ZBTB20: variants seen among roughly 807,000 people sequenced by gnomAD.
ZBTB20 encodes the protein zinc finger and BTB domain containing 20, also known as zinc finger and BTB domain-containing protein 20.
Under a neutral mutation model 56.9 loss-of-function variants are expected in ZBTB20, and 9 were observed. The ratio of observed to expected loss-of-function variants is 0.16; its 90% CI spans 0.10 to 0.28. The LOEUF is 0.28. Among genes scored for constraint, ZBTB20 ranks in the 10% least tolerant of loss-of-function variants. ZBTB20 has a pLI of 1.00. For synonymous variants in ZBTB20, 417 were observed against 420.7 expected, an observed-to-expected ratio of 0.99 and a Z score of 0.11; for missense variants, 655 against 1,003.0, an observed-to-expected ratio of 0.65 and a Z score of 4.69.
chr3:114,885,018 G>C (rs2107604609), intron 4 of ZBTB20, among the ~76,000 whole-genome samples: 1 of 152,330 alleles, frequency 6.6e-6, no homozygotes, highest in Admixed American at 6.5e-5. Flanking sequence ...AATTTCAGGA[G>C]ATATGGTTAA....
At chr3:114,828,980 C>T (rs1387411887) in intron 4 of ZBTB20, among the ~76,000 whole-genome samples, 1 of 151,754 alleles carries the variant, frequency 6.6e-6, no homozygotes, top group Non-Finnish European at 1.5e-5. Flanking sequence ...TAAGCCTGGT[C>T]ACTTATGGAT....
intron 4 of ZBTB20, among the ~76,000 whole-genome samples, chr3:114,801,628 G>C (rs974801489): frequency 6.6e-5 from 10 of 151,850 alleles, no homozygotes; most frequent in Non-Finnish European, 1.5e-4. Context: ...ACTTCAAATG[G>C]AATTGTAAGA....
chr3:114,728,824 C>T (rs1359838733), intron 5 of ZBTB20, among the ~76,000 whole-genome samples: 1 of 152,158 alleles, frequency 6.6e-6, no homozygotes, highest in Non-Finnish European at 1.5e-5. Flanking sequence ...CACTCAATTT[C>T]TCTAATGATC....
At chr3:114,542,932 C>T (rs1294239888) in intron 6 of ZBTB20, among the ~76,000 whole-genome samples, 2 of 152,054 alleles carry the variant, frequency 1.3e-5, no homozygotes, top group East Asian at 1.9e-4. Flanking sequence ...TGGGTTTAAA[C>T]GAAAGCTGGA....
At chr3:114,831,114 T>A (rs1270011442) in intron 4 of ZBTB20, among the ~76,000 whole-genome samples, 1 of 105,362 alleles carries the variant, frequency 9.5e-6, no homozygotes, top group Non-Finnish European at 2.1e-5. Flanking sequence ...TTTTTTTTTT[T>A]AGTATCCAGT....
chr3:114,362,470 T>C (rs996500387), intron 10 of ZBTB20, among the ~76,000 whole-genome samples: 2 of 152,132 alleles, frequency 1.3e-5, no homozygotes, highest in African/African-American at 2.4e-5. Flanking sequence ...ACATTTACTC[T>C]GAGATATGTC....
intron 6 of ZBTB20, among the ~76,000 whole-genome samples, chr3:114,533,129 T>C (rs1302901471): frequency 6.6e-6 from 1 of 151,814 alleles, no homozygotes; most frequent in Non-Finnish European, 1.5e-5. Context: ...CAAAACTGGA[T>C]GGAGAATGAG....
intron 5 of ZBTB20, among the ~76,000 whole-genome samples, chr3:114,702,674 T>C (rs1279151767): frequency 6.6e-6 from 1 of 152,100 alleles, no homozygotes; most frequent in East Asian, 1.9e-4. Flanking sequence ...ATTGTGTGTG[T>C]GTGTGTGTGT....
intron 4 of ZBTB20, among the ~76,000 whole-genome samples, chr3:114,816,150 A>G (rs187156387): frequency 0.012 from 1,755 of 152,318 alleles, 16 homozygotes; most frequent in South Asian, 0.042. Flanking sequence ...AAACTGTTAC[A>G]AAGTGGGCTC....
chr3:114,363,496 G>A (rs772755982), intron 10 of ZBTB20, among the ~76,000 whole-genome samples: 19 of 152,120 alleles, frequency 1.2e-4, no homozygotes, highest in Non-Finnish European at 2.2e-4. Flanking sequence ...ACATTACAAT[G>A]AGCTGGGTCA....
chr3:114,684,299 G>A (rs940044947), intron 6 of ZBTB20, among the ~76,000 whole-genome samples: 3 of 152,070 alleles, frequency 2.0e-5, no homozygotes, highest in Non-Finnish European at 2.9e-5. Flanking sequence ...AAATGCTGAC[G>A]CATTTTTGCA....
chr3:114,768,388 T>G (rs1161421916), intron 5 of ZBTB20, among the ~76,000 whole-genome samples: 1 of 152,082 alleles, frequency 6.6e-6, no homozygotes, highest in Non-Finnish European at 1.5e-5. Flanking sequence ...CCCTGTTAAC[T>G]GTCTTTGATA....
intron 3 of ZBTB20, among the ~76,000 whole-genome samples, chr3:114,913,697 G>A (rs1338256633): frequency 6.6e-6 from 1 of 150,944 alleles, no homozygotes; most frequent in Non-Finnish European, 1.5e-5. Context: ...TTTTTTTTCA[G>A]TAGTGTCATA....
chr3:114,921,503 GTT>G (rs2075957774), intron 3 of ZBTB20, among the ~76,000 whole-genome samples: 1 of 151,990 alleles, frequency 6.6e-6, no homozygotes, highest in Non-Finnish European at 1.5e-5. Flanking sequence ...GTTCCAAAAT[GTT>G]TACAAGAATG....
At chr3:115,103,872 T>A (rs1449673498) in intron 1 of ZBTB20, among the ~76,000 whole-genome samples, 1 of 152,144 alleles carries the variant, frequency 6.6e-6, no homozygotes, top group African/African-American at 2.4e-5. Context: ...ATTAAAAAGT[T>A]CTACTCTGCA....
At chr3:114,785,164 A>C (rs75254501) in intron 5 of ZBTB20, among the ~76,000 whole-genome samples, 1 of 152,190 alleles carries the variant, frequency 6.6e-6, no homozygotes, top group Admixed American at 6.5e-5. Flanking sequence ...TCTGGGCTTT[A>C]GATCCTTCAG....
chr3:114,543,277 C>T (rs1415265506), intron 6 of ZBTB20, among the ~76,000 whole-genome samples: 2 of 150,068 alleles, frequency 1.3e-5, no homozygotes, highest in Admixed American at 6.6e-5. Flanking sequence ...TGTTTTTTTT[C>T]CAAATATTTT....
At chr3:114,638,747 G>T (rs1024295931) in intron 6 of ZBTB20, among the ~76,000 whole-genome samples, 3 of 151,958 alleles carry the variant, frequency 2.0e-5, no homozygotes, top group Non-Finnish European at 4.4e-5. Context: ...AAAATTATAT[G>T]ACAAAAATTT....
At chr3:114,416,362 G>T (rs1364463152) in intron 7 of ZBTB20, among the ~76,000 whole-genome samples, 2 of 150,720 alleles carry the variant, frequency 1.3e-5, no homozygotes, top group African/African-American at 4.9e-5. Context: ...TAAATAGAGG[G>T]ATTAGAACCT....
Sources: allele counts gnomAD v4.1 joint callset (sites outside exome capture counted in the v4.1 genomes callset), GRCh38; gene constraint gnomAD v4.1.1; transcripts MANE v1.5; gene names NCBI Gene and HGNC (gene_info 2026-07-23, HGNC 2026-07-21).